ANKLE2: variants seen among roughly 807,000 people sequenced by gnomAD.
The protein encoded by ANKLE2 is ankyrin repeat and LEM domain containing 2, also known as ankyrin repeat and LEM domain-containing protein 2.
In ANKLE2, 55 loss-of-function variants were observed where a neutral mutation model predicts 84.2. The observed-to-expected ratio is 0.65, with a 90% CI of 0.53 to 0.82. The LOEUF is 0.82. Ranked by LOEUF, ANKLE2 falls within the 40% of genes least tolerant of loss-of-function variation. ANKLE2 has a pLI of 0.00. For synonymous variants in ANKLE2, 551 were observed against 486.1 expected, an observed-to-expected ratio of 1.13 and a Z score of -1.76; for missense variants, 1,238 against 1,201.9, an observed-to-expected ratio of 1.03 and a Z score of -0.44.
chr12:132,756,757 C>G (rs1272025166), intron 1 of ANKLE2: 3 of 151,486 alleles, frequency 2.0e-5, no homozygotes, highest in African/African-American at 7.3e-5. Context: ...GAAACCCCAT[C>G]TCTACTAAAA....
intron 1 of ANKLE2, chr12:132,756,375 A>AC (rs1343732538): frequency 6.6e-6 from 1 of 151,732 alleles, no homozygotes; most frequent in Non-Finnish European, 1.5e-5. Flanking sequence ...TGTTTCAAAA[A>AC]AAAAAAATTA....
chr12:132,732,417 T>A (rs878998219), intron 10 of ANKLE2, among the ~76,000 whole-genome samples: 3 of 85,146 alleles, frequency 3.5e-5, no homozygotes, highest in South Asian at 3.9e-4. Context: ...CGTGTGAAGC[T>A]CTCTGCGTCC....
intron 1 of ANKLE2, chr12:132,761,198 G>C (rs73157039): frequency 6.3e-6 from 1 of 159,556 alleles, no homozygotes; most frequent in South Asian, 2.0e-4. Flanking sequence ...TCTGCCTTAT[G>C]TTCCATGACC....
At chr12:132,761,400 C>G in intron 1 of ANKLE2, 1 of 360,614 alleles carries the variant, frequency 2.8e-6, no homozygotes, top group Non-Finnish European at 4.8e-6. Context: ...CACCCCCGAA[C>G]CCGGCGTGGC....
intron 2 of ANKLE2, 145 bp downstream of exon 2, chr12:132,754,530 T>C (rs1229435276): frequency 5.4e-6 from 4 of 737,636 alleles, no homozygotes; most frequent in Non-Finnish European, 8.5e-6. Flanking sequence ...TACATAAAAA[T>C]GTTAACAATG....
At chr12:132,749,056 A>T (rs1283341545) in intron 3 of ANKLE2, 1 of 152,190 alleles carries the variant, frequency 6.6e-6, no homozygotes, top group East Asian at 1.9e-4. Flanking sequence ...GAATAACGGC[A>T]GCAGCGGGCA....
At chr12:132,727,689 C>T (rs75895237) in intron 12 of ANKLE2, among the ~76,000 whole-genome samples, 4 of 141,310 alleles carry the variant, frequency 2.8e-5, no homozygotes, top group Admixed American at 7.1e-5. Flanking sequence ...TGGGCACATG[C>T]GTCTGGGTGG....
chr12:132,742,426 C>T (rs1423684536), intron 6 of ANKLE2: 1 of 153,350 alleles, frequency 6.5e-6, no homozygotes, highest in African/African-American at 2.4e-5. Flanking sequence ...TAAAGGGCTG[C>T]TAGACAAGGG....
Position 132,755,152 on chromosome 12 carries a change from A to C in ANKLE2, c.182-19T>G, listed in dbSNP as rs1367392129. On this transcript the variant is annotated intron_variant, in intron 1 of 12. Transcript: ENST00000357997. ...ATTTCACCTAGGCCCAAGACAAAAA[A>C]ATCAAAGAGTCACAAAATACTAACA... 6.4e-7 allele frequency: 1 copy of C among 1,574,012 alleles called. No individual in the cohort carries two copies. The highest frequency in any genetic ancestry group is 8.6e-7 in the Non-Finnish European group (1 of 1,167,448).
chr12:132,728,154 T>A lies in ANKLE2; in HGVS notation c.2493A>T (p.Pro831=). Residue 831 remains proline, a synonymous_variant, in exon 12 of 13, where the codon CCA becomes CCT. Coordinates refer to ENST00000357997, the MANE Select transcript of ANKLE2 (RefSeq NM_015114.3). ...ARRLFLFGEE[P]SKLDQDVLAA... is the part of the protein sequence containing the mutation. ...CCAAAACATCCTGATCGAGTTTTGA[T>A]GGCTCCTCTCTAGAAAGCACAATAA... is the stretch of plus-strand genomic sequence containing the variant. 1.2e-6 allele frequency: 2 copies of A among 1,612,652 alleles called. No homozygotes were observed. Among genetic ancestry groups the A allele is most frequent in the Non-Finnish European group, 1.7e-6 (2 of 1,179,856 alleles).
At chr12:132,744,301 G>GAATT (rs1325551047) in intron 5 of ANKLE2, among the ~76,000 whole-genome samples, 3 of 152,142 alleles carry the variant, frequency 2.0e-5, no homozygotes, top group Admixed American at 2.0e-4. Context: ...GTAGAAAACA[G>GAATT]AATTCATTTA....
At position 132,761,661 on chromosome 12, in the gene ANKLE2, C is replaced by A; in HGVS notation, c.138G>T (p.Gly46=). Reference sequence around the variant, plus strand: ...CCGCGCTTGGCGGAGGAACTGGGGTCCCGCTGCGGCCCAGACCTCCCGGCC... The same window carrying A: ...CCGCGCTTGGCGGAGGAACTGGGGTACCGCTGCGGCCCAGACCTCCCGGCC... ...GPRPGGLGRS[G]TPVPPPSAAA... is the part of the protein sequence containing the mutation. Residue 46 remains glycine (G), a synonymous_variant, in exon 1 of 13, where the codon GGG becomes GGT. Coordinates refer to ENST00000357997, the MANE Select transcript of ANKLE2 (RefSeq NM_015114.3). 1.5e-6 allele frequency: 2 copies of A among 1,298,600 alleles called. No individual in the cohort carries two copies. The highest frequency in any genetic ancestry group is 2.2e-5 in the South Asian group (1 of 45,984). 80.4% of individuals were successfully genotyped at this position (1,298,600 alleles called of 1,614,324 possible).
At chr12:132,736,020 C>T (rs762956703) in intron 8 of ANKLE2, among the ~76,000 whole-genome samples, 43 of 152,140 alleles carry the variant, frequency 2.8e-4, no homozygotes, top group Non-Finnish European at 5.9e-4. Context: ...GGTACGATCT[C>T]GGCTCACTGC....
chr12:132,747,353 C>G (rs557053287), intron 5 of ANKLE2, among the ~76,000 whole-genome samples: 2 of 147,486 alleles, frequency 1.4e-5, no homozygotes, highest in Non-Finnish European at 3.0e-5. Context: ...TGTCAGGCAG[C>G]CTCTCTCTCT....
chr12:132,747,715 T>G, intron 5 of ANKLE2, 117 bp downstream of exon 5: 2 of 1,299,378 alleles, frequency 1.5e-6, no homozygotes, highest in Non-Finnish European at 2.1e-6. Context: ...GTGTAATTGA[T>G]GTATCTTTTC....
chr12:132,761,629 G>C lies in ANKLE2; in HGVS notation c.170C>G (p.Ala57Gly), dbSNP rs1174045591. The C allele has an allele frequency of 4.0e-6, 5 of 1,258,364 alleles. No individual in the cohort carries two copies. Among genetic ancestry groups the C allele is most frequent in the Non-Finnish European group, 4.0e-6 (4 of 1,002,066 alleles). The allele number at this position is 1,258,364 out of a possible 1,614,324, so 77.9% of individuals were successfully genotyped here. ...CGCCTGGGCCTTACCTGAGGCGGGGGCGGCGGCCGCGCTTGGCGGAGGAAC... is the reference window on the plus strand; with the variant it reads ...CGCCTGGGCCTTACCTGAGGCGGGGCCGGCGGCCGCGCTTGGCGGAGGAAC... ...TPVPPPSAAA[A>G]PASGEMTMDA... The change falls in exon 1 of 13, where the codon GCC becomes GGC. Residue 57 changes from alanine (A) to glycine (G), a missense_variant. By Grantham distance (60) the Ala-to-Gly change is moderately conservative (BLOSUM62 0). Coordinates refer to ENST00000357997, the MANE Select transcript of ANKLE2 (RefSeq NM_015114.3).
At chr12:132,753,845 C>T (rs2044415674) in intron 2 of ANKLE2, among the ~76,000 whole-genome samples, 1 of 152,180 alleles carries the variant, frequency 6.6e-6, no homozygotes, top group Non-Finnish European at 1.5e-5. Context: ...GTGGGAGGAT[C>T]ACCTGAGCCA....
intron 9 of ANKLE2, chr12:132,734,821 G>A (rs1007156365): frequency 4.1e-6 from 2 of 488,414 alleles, no homozygotes; most frequent in Non-Finnish European, 7.2e-6. Context: ...GCAGGAAGGA[G>A]GCCTCAGCCC....
intron 6 of ANKLE2, among the ~76,000 whole-genome samples, chr12:132,742,805 C>A (rs935973799): frequency 0.019 from 9 of 468 alleles, no homozygotes; most frequent in Admixed American, 0.05. Flanking sequence ...CCATCACCAT[C>A]ATCATCACCA....
Sources: gnomAD v4.1 joint callset for allele counts (sites outside exome capture counted in the v4.1 genomes callset) on GRCh38, gnomAD v4.1.1 for gene constraint, MANE v1.5 for transcripts, NCBI Gene and HGNC (gene_info 2026-07-23, HGNC 2026-07-21) for gene names.